CCDC146: variants seen among roughly 807,000 people sequenced by gnomAD.
CCDC146 encodes coiled-coil domain-containing protein 146.
Under a neutral mutation model 119.3 loss-of-function variants are expected in CCDC146, and 92 were observed. The ratio of observed to expected loss-of-function variants is 0.77; its 90% CI spans 0.65 to 0.92. CCDC146 has a LOEUF of 0.92. CCDC146 is among the 40% of genes least tolerant of loss of function. The pLI, the probability that CCDC146 is intolerant of heterozygous loss-of-function variation, is 0.00. For missense variants in CCDC146, 1,000 were observed against 1,103.0 expected (o/e 0.91, Z 1.32); for synonymous variants, 372 against 371.8 (o/e 1.00, Z -0.01).
Position 77,196,957 on chromosome 7 carries a change from A to C in CCDC146, c.156+29133A>C. On this transcript the variant is annotated intron_variant, in intron 2 of 18. Coordinates refer to ENST00000285871, the MANE Select transcript of CCDC146 (RefSeq NM_020879.3). The surrounding 1 kb of genome is among the most constrained non-coding windows in gnomAD (Gnocchi z 4.2). ...TTCTTTTGCCTATTGCGTAGTAGTCAGAGCAATCTTTATATATTAGATGTT... is the reference window on the plus strand; with the variant it reads ...TTCTTTTGCCTATTGCGTAGTAGTCCGAGCAATCTTTATATATTAGATGTT... The C allele has an allele frequency of 6.2e-7, 1 of 1,609,818 alleles. No homozygotes were observed. Among genetic ancestry groups the C allele is most frequent in the East Asian group, 2.2e-5 (1 of 44,880 alleles).
chr7:77,257,111 C>G (rs1793195820), intron 6 of CCDC146: 1 of 152,874 alleles, frequency 6.5e-6, no homozygotes, highest in South Asian at 2.1e-4. Flanking sequence ...CTCTCAAAAA[C>G]AACAACAACA....
intron 9 of CCDC146, among the ~76,000 whole-genome samples, chr7:77,271,091 G>A (rs1021488359): frequency 4.6e-5 from 7 of 151,612 alleles, no homozygotes; most frequent in Non-Finnish European, 7.4e-5. Flanking sequence ...TGCTGTCGTG[G>A]TTAATACTAA....
intron 2 of CCDC146, among the ~76,000 whole-genome samples, chr7:77,220,732 C>T (rs1377150937): frequency 6.6e-6 from 1 of 152,174 alleles, no homozygotes; most frequent in Non-Finnish European, 1.5e-5. Context: ...TTCTGCTTTA[C>T]TCAGGGATTT....
At chr7:77,293,425 CCATAGCCT>C (rs1251437271) in intron 18 of CCDC146, among the ~76,000 whole-genome samples, 1 of 152,212 alleles carries the variant, frequency 6.6e-6, no homozygotes, top group Non-Finnish European at 1.5e-5. Flanking sequence ...AGGGCCCACC[CCATAGCCT>C]TACATCCTGG....
intron 1 of CCDC146, among the ~76,000 whole-genome samples, chr7:77,150,656 A>G (rs540019550): frequency 3.3e-5 from 5 of 152,198 alleles, no homozygotes; most frequent in Admixed American, 1.3e-4. Context: ...GCTGTTTCCT[A>G]TAAAATTAAA....
In CCDC146 at chr7:77,261,317, A is replaced by G. The variant is rs573288697; in HGVS notation, c.987-804A>G. Reference sequence around the variant, plus strand: ...GCTCCAGTGTGTGTTGTTCTTCTCTATGTGTCCATGTATCCTCATCATTTT... The same window carrying G: ...GCTCCAGTGTGTGTTGTTCTTCTCTGTGTGTCCATGTATCCTCATCATTTT... On this transcript the variant is annotated intron_variant, in intron 8 of 18. Transcript: ENST00000285871. 3.9e-5 allele frequency among the ~76,000 whole-genome samples: 6 copies of G among 152,110 alleles called. No homozygotes were observed. In the East Asian group the frequency reaches 5.8e-4, roughly 15 times the overall value.
At chr7:77,143,691 T>A (rs1790971105) in intron 1 of CCDC146, among the ~76,000 whole-genome samples, 1 of 151,850 alleles carries the variant, frequency 6.6e-6, no homozygotes, top group African/African-American at 2.4e-5. Flanking sequence ...CTCCATTGCT[T>A]GTTTTGTCAG....
chr7:77,177,702 A>G, intron 2 of CCDC146, among the ~76,000 whole-genome samples: 1 of 152,164 alleles, frequency 6.6e-6, no homozygotes, highest in Non-Finnish European at 1.5e-5. Flanking sequence ...ACCCCTCACT[A>G]ACAGCTGTAC....
At chr7:77,242,950 A>G (rs1264036821) in intron 4 of CCDC146, among the ~76,000 whole-genome samples, 2 of 152,128 alleles carry the variant, frequency 1.3e-5, no homozygotes, top group African/African-American at 2.4e-5. Context: ...TCAGGGGGGA[A>G]AATTGGAGGT....
intron 1 of CCDC146, among the ~76,000 whole-genome samples, chr7:77,144,801 C>T (rs1034263129): frequency 6.6e-6 from 1 of 151,772 alleles, no homozygotes; most frequent in African/African-American, 2.4e-5. Flanking sequence ...TTTTGATGGG[C>T]TGCTGGATTC....
At chr7:77,152,114 T>G (rs1791116614) in intron 1 of CCDC146, among the ~76,000 whole-genome samples, 4 of 152,192 alleles carry the variant, frequency 2.6e-5, no homozygotes, top group Admixed American at 2.6e-4. Context: ...AATGTTCAGG[T>G]TCCACCATTT....
chr7:77,252,150 AAAAC>A (rs756908643), intron 4 of CCDC146, among the ~76,000 whole-genome samples: 19 of 152,224 alleles, frequency 1.2e-4, no homozygotes, highest in African/African-American at 4.6e-4. Flanking sequence ...CTCCATCTCA[AAAAC>A]AAACAAACAA....
intron 15 of CCDC146, among the ~76,000 whole-genome samples, chr7:77,284,373 C>T (rs1056858021): frequency 1.1e-4 from 17 of 152,046 alleles, no homozygotes; most frequent in Admixed American, 9.8e-4. Flanking sequence ...CCTCCACAGC[C>T]TCCTCATCCC....
Position 77,274,646 on chromosome 7 carries a change from A to G in CCDC146, c.1434A>G (p.Lys478=). The stretch of plus-strand genomic sequence containing the variant: ...AACAAAAGTCCAAGGATTTCCTGAA[A>G]GCTCAGGTAACTGCATTTTTTTAAC... ...EKEQKSKDFL[K]AQQKYTNIVK... Residue 478 remains lysine, a synonymous_variant, in exon 11 of 19, where the codon AAA becomes AAG. Transcript: ENST00000285871. 1 of 1,605,396 alleles carries G rather than the reference A, an allele frequency of 6.2e-7. No homozygotes were observed. Among genetic ancestry groups the G allele is most frequent in the African/African-American group, 1.3e-5 (1 of 74,260 alleles).
rs1482534396 is a variant in CCDC146 at position 77,280,544 on chromosome 7, G to A, written c.1810G>A (p.Ala604Thr). ...TCAGGAAATGAAAGAAAAGAAGGAA[G>A]CCCAGTTAAATAACATTGACAGACT... ...KLQEMKEKKE[A>T]QLNNIDRLAN... Residue 604 changes from alanine to threonine, a missense_variant, in exon 14 of 19, where the codon GCC (alanine) becomes ACC (threonine). Ala to Thr is a moderately conservative substitution (Grantham distance 58). Around this residue, in one of 2 missense-constraint regions of CCDC146, gnomAD observed 985 missense variants for 1,045.3 expected, o/e 0.94. Transcript: ENST00000285871. 1.9e-6 allele frequency: 3 copies of A among 1,613,564 alleles called. No homozygotes were observed. The highest frequency in any genetic ancestry group is 3.3e-5 in the Admixed American group (2 of 59,998).
In CCDC146 at chr7:77,256,322, G is replaced by A. The variant is rs537282120; in HGVS notation, c.508-11G>A. The A allele has an allele frequency of 6.3e-5, 99 of 1,577,772 alleles. 1 individual carries two copies. In the South Asian group the frequency reaches 8.2e-4, roughly 13 times the overall value. On this transcript the variant is annotated splice_polypyrimidine_tract_variant and intron_variant, in intron 5 of 18. Transcript: ENST00000285871. Reference sequence around the variant, plus strand: ...GACTATATAACCTAATCATCTTCACGACTTTTAAAGGAAATGGAGAAGAAG... The same window carrying A: ...GACTATATAACCTAATCATCTTCACAACTTTTAAAGGAAATGGAGAAGAAG...
At chr7:77,253,459 C>G (rs901486676) in intron 4 of CCDC146, among the ~76,000 whole-genome samples, 1 of 152,218 alleles carries the variant, frequency 6.6e-6, no homozygotes, top group Non-Finnish European at 1.5e-5. Flanking sequence ...GAATGTGGTG[C>G]AATAGGTCAT....
intron 6 of CCDC146, among the ~76,000 whole-genome samples, chr7:77,258,642 C>T (rs1463906197): frequency 6.6e-6 from 1 of 152,156 alleles, no homozygotes; most frequent in East Asian, 1.9e-4. Context: ...GCTATGATTT[C>T]AGTAGGTTAG....
At chr7:77,162,896 T>G (rs943347384) in intron 1 of CCDC146, among the ~76,000 whole-genome samples, 1 of 152,170 alleles carries the variant, frequency 6.6e-6, no homozygotes, top group Non-Finnish European at 1.5e-5. Flanking sequence ...AAGGTTAAAG[T>G]TTTTCTGATG....
Sources: allele counts gnomAD v4.1 joint callset (sites outside exome capture counted in the v4.1 genomes callset), GRCh38; gene constraint gnomAD v4.1.1; regional missense constraint gnomAD v4.1.1; non-coding constraint Gnocchi (gnomAD v3.1); transcripts MANE v1.5; gene names NCBI Gene and HGNC (gene_info 2026-07-23, HGNC 2026-07-21).